SLC2A13: variants seen among roughly 807,000 people sequenced by gnomAD.
SLC2A13 encodes solute carrier family 2 member 13, also known as proton myo-inositol cotransporter.
A neutral mutation model predicts 64.4 loss-of-function variants in SLC2A13; 32 were observed. The ratio of observed to expected loss-of-function variants is 0.50; its 90% CI spans 0.37 to 0.67. The LOEUF is 0.67. SLC2A13 is among the 30% of genes least tolerant of loss of function. SLC2A13 has a pLI of 0.00. For missense variants in SLC2A13, 743 were observed against 829.2 expected, an observed-to-expected ratio of 0.90 and a Z score of 1.28; for synonymous variants, 338 against 327.1, an observed-to-expected ratio of 1.03 and a Z score of -0.36.
intron 4 of SLC2A13, among the ~76,000 whole-genome samples, chr12:39,928,597 T>A (rs1172459458): frequency 6.6e-6 from 1 of 152,232 alleles, no homozygotes; most frequent in Non-Finnish European, 1.5e-5. Flanking sequence ...CAAACTTGCC[T>A]GTTTCTTGTC....
rs562460516 is a variant in SLC2A13, at chr12:39,896,361, T to A, written c.1035-24400A>T. Among the ~76,000 whole-genome samples the A allele has an allele frequency of 2.9e-3, 401 of 140,252 alleles. 6 individuals carry two copies. The highest frequency in any genetic ancestry group is 5.0e-3 in the Non-Finnish European group (325 of 65,376). 92.0% of individuals were successfully genotyped at this position (140,252 alleles called of 152,430 possible). On this transcript the variant is annotated intron_variant, in intron 4 of 9. Transcript: ENST00000280871. ...GTATACATATATGTATGTATATGTG[T>A]ATATATGTATACATATATGTATGTA...
chr12:39,843,963 T>A (rs1943243188), intron 6 of SLC2A13, among the ~76,000 whole-genome samples: 1 of 152,040 alleles, frequency 6.6e-6, no homozygotes, highest in African/African-American at 2.4e-5. Flanking sequence ...AAACTGATCA[T>A]TATATTGGTG....
At chr12:40,000,219 C>A (rs1156842034) in intron 3 of SLC2A13, among the ~76,000 whole-genome samples, 4 of 152,144 alleles carry the variant, frequency 2.6e-5, no homozygotes, top group Admixed American at 6.5e-5. Flanking sequence ...AAACATCTTT[C>A]TTTTGTAGAT....
intron 6 of SLC2A13, among the ~76,000 whole-genome samples, chr12:39,844,312 T>C (rs978621024): frequency 2.0e-5 from 3 of 152,084 alleles, no homozygotes; most frequent in East Asian, 1.9e-4. Context: ...TTTAGGGTCA[T>C]AGTAACAGCT....
At chr12:39,934,377 T>G (rs572836512) in intron 4 of SLC2A13, among the ~76,000 whole-genome samples, 2 of 152,168 alleles carry the variant, frequency 1.3e-5, no homozygotes, top group Non-Finnish European at 2.9e-5. Context: ...TTAGGACAGG[T>G]GGCACAACCT....
intron 3 of SLC2A13, among the ~76,000 whole-genome samples, chr12:40,011,287 C>CGA (rs1394270065): frequency 6.6e-6 from 1 of 152,174 alleles, no homozygotes; most frequent in Non-Finnish European, 1.5e-5. Context: ...GTCAACATCA[C>CGA]ATTCCCTGAG....
chr12:39,777,971 G>T (rs1328665859), intron 7 of SLC2A13, among the ~76,000 whole-genome samples: 1 of 152,184 alleles, frequency 6.6e-6, no homozygotes, highest in African/African-American at 2.4e-5. Context: ...GCTACCTATG[G>T]ATGGCTAAAC....
rs1311799910 is a variant in SLC2A13 at position 40,105,561 on chromosome 12, A to G, written c.248T>C (p.Val83Ala). The G allele has an allele frequency of 3.2e-6, 5 of 1,575,894 alleles. No homozygotes were observed. The highest frequency in any genetic ancestry group is 4.3e-6 in the Non-Finnish European group (5 of 1,163,866). Residue 83 changes from valine to alanine, a missense_variant, in exon 1 of 10, where the codon GTG becomes GCG. By Grantham distance (64) the Val-to-Ala change is moderately conservative (BLOSUM62 0). This residue lies in a region of SLC2A13 where 448 missense variants were observed against 447.4 expected (regional missense o/e 1.00). Coordinates refer to ENST00000280871, the MANE Select transcript of SLC2A13 (RefSeq NM_052885.4). This position sits in a 1 kb window ranked among gnomAD's most constrained non-coding sequence, Gnocchi z 4.2. ...QQDETPAFVYVVAVFSALGGF... is the reference protein window; with the variant it reads ...QQDETPAFVYAVAVFSALGGF... ...GCCCAGCGCGGAGAAGACGGCCACC[A>G]CGTACACGAAGGCGGGGGTCTCGTC...
intron 3 of SLC2A13, among the ~76,000 whole-genome samples, chr12:40,010,609 C>A (rs1189903171): frequency 1.3e-5 from 2 of 152,146 alleles, no homozygotes; most frequent in African/African-American, 4.8e-5. Flanking sequence ...TTTTCACAAA[C>A]CTTTTAAAAC....
At chr12:39,928,587 C>A (rs1945768334) in intron 4 of SLC2A13, among the ~76,000 whole-genome samples, 1 of 152,174 alleles carries the variant, frequency 6.6e-6, no homozygotes, top group Non-Finnish European at 1.5e-5. Flanking sequence ...ATTTCAGTTA[C>A]AAACTTGCCT....
rs145260275 is a variant in SLC2A13 at position 39,991,455 on chromosome 12, C to T, written c.925+36846G>A. Among the ~76,000 whole-genome samples the T allele has an allele frequency of 6.8e-4, 103 of 152,256 alleles. 1 individual carries two copies. The highest frequency in any genetic ancestry group is 6.6e-3 in the East Asian group (34 of 5,172). On this transcript the variant is annotated intron_variant, in intron 3 of 9. Coordinates refer to ENST00000280871, the MANE Select transcript of SLC2A13 (RefSeq NM_052885.4). ...GACACAGGAGGCAGATTAGCAAGGA[C>T]GCCTCATAAGTGCATGTCTAGCTAG... is the stretch of plus-strand genomic sequence containing the variant.
intron 7 of SLC2A13, among the ~76,000 whole-genome samples, chr12:39,765,874 C>T (rs1296755178): frequency 6.6e-6 from 1 of 152,070 alleles, no homozygotes; most frequent in East Asian, 1.9e-4. Context: ...TCCTGATGCT[C>T]TCCCTCCTCC....
intron 2 of SLC2A13, among the ~76,000 whole-genome samples, chr12:40,044,317 T>TG (rs1485099799): frequency 6.6e-6 from 1 of 151,850 alleles, no homozygotes; most frequent in Non-Finnish European, 1.5e-5. Flanking sequence ...TGGGACAGCT[T>TG]GGGGGGTTAG....
At chr12:39,825,668 AC>A (rs1942648947) in intron 7 of SLC2A13, among the ~76,000 whole-genome samples, 1 of 152,178 alleles carries the variant, frequency 6.6e-6, no homozygotes, top group Non-Finnish European at 1.5e-5. Flanking sequence ...CCATTATTAT[AC>A]ATCTTTTTTA....
chr12:40,029,609 A>C (rs977898974), intron 2 of SLC2A13, among the ~76,000 whole-genome samples: 8 of 152,218 alleles, frequency 5.3e-5, no homozygotes, highest in Admixed American at 6.5e-5. Flanking sequence ...CTCACAAAAT[A>C]AGTCTGCTAT....
intron 4 of SLC2A13, among the ~76,000 whole-genome samples, chr12:39,873,075 CTAA>C (rs1172444589): frequency 6.6e-6 from 1 of 152,144 alleles, no homozygotes; most frequent in Non-Finnish European, 1.5e-5. Flanking sequence ...ATTTTTTAAA[CTAA>C]TGATGATGGT....
intron 7 of SLC2A13, among the ~76,000 whole-genome samples, chr12:39,786,368 T>TTCCACCATGATTCTGAGGCCTC (rs1941185607): frequency 1.6e-4 from 1 of 6,294 alleles, no homozygotes; most frequent in African/African-American, 5.4e-4. Context: ...GTCTTTCATC[T>TTCCACCATGATTCTGAGGCCTC]CCCACCATGA....
chr12:39,903,314 T>C (rs563522191), intron 4 of SLC2A13, among the ~76,000 whole-genome samples: 1 of 152,252 alleles, frequency 6.6e-6, no homozygotes, highest in South Asian at 2.1e-4. Flanking sequence ...TCTGACAGAT[T>C]AGCTATTTCA....
At chr12:40,011,092 GGCTCAAC>G (rs1947523901) in intron 3 of SLC2A13, among the ~76,000 whole-genome samples, 1 of 152,184 alleles carries the variant, frequency 6.6e-6, no homozygotes, top group South Asian at 2.1e-4. Context: ...TACAGCCAGA[GGCTCAAC>G]TAACTTTTGA....
Sources: allele counts gnomAD v4.1 joint callset (sites outside exome capture counted in the v4.1 genomes callset), GRCh38; gene constraint gnomAD v4.1.1; regional missense constraint gnomAD v4.1.1; non-coding constraint Gnocchi (gnomAD v3.1); transcripts MANE v1.5; gene names NCBI Gene and HGNC (gene_info 2026-07-23, HGNC 2026-07-21).